The following SMAD1 variants were observed in gnomAD, a reference collection of about 807,000 sequenced individuals.
The protein encoded by SMAD1 is SMAD family member 1.
A neutral mutation model predicts 41.6 loss-of-function variants in SMAD1; 6 were observed. That is an observed-to-expected ratio of 0.14 (90% CI 0.08 to 0.28). The LOEUF is 0.28. Among genes scored for constraint, SMAD1 ranks in the 10% least tolerant of loss-of-function variants. SMAD1 has a pLI of 1.00. For synonymous variants in SMAD1, 206 were observed against 203.2 expected (o/e 1.01, Z -0.12); for missense variants, 379 against 582.6 (o/e 0.65, Z 3.60).
intron 2 of SMAD1, among the ~76,000 whole-genome samples, chr4:145,524,322 AT>A (rs899128010): frequency 2.0e-4 from 30 of 149,718 alleles, no homozygotes; most frequent in African/African-American, 6.6e-4. Context: ...TGTTATTTTA[AT>A]TTTTTTTTTC....
intron 2 of SMAD1, among the ~76,000 whole-genome samples, chr4:145,538,044 G>A (rs1731712670): frequency 6.6e-6 from 1 of 152,164 alleles, no homozygotes; most frequent in Non-Finnish European, 1.5e-5. Flanking sequence ...GTGGGGAGTG[G>A]TTTAGGGGCC....
In SMAD1 at chr4:145,514,433, TGTAGGTGCTGACTGGGTTAC is replaced by T; in HGVS notation, c.-176-4_-161del. Reference sequence around the variant, plus strand: ...GATTCTAACCATTCTTTTTTTGTTTTGTAGGTGCTGACTGGGTTACTTTTTTAAACACTAGGAATGGTAAT... The same window carrying T: ...GATTCTAACCATTCTTTTTTTGTTTTTTTTTTAAACACTAGGAATGGTAAT... On this transcript the variant is annotated splice_acceptor_variant and splice_polypyrimidine_tract_variant and 5_prime_UTR_variant and intron_variant, in exon 2 of 7. Coordinates refer to ENST00000302085, the MANE Select transcript of SMAD1 (RefSeq NM_005900.3). LOFTEE classifies it low-confidence loss of function (5UTR_SPLICE). The surrounding 1 kb of genome is among the most constrained non-coding windows in gnomAD (Gnocchi z 4.7). 1.1e-5 allele frequency: 6 copies of T among 541,476 alleles called. No homozygotes were observed. The highest frequency in any genetic ancestry group is 1.6e-5 in the Non-Finnish European group (5 of 313,216). The allele number at this position is 541,476 out of a possible 1,614,324, so 33.5% of individuals were successfully genotyped here.
intron 2 of SMAD1, among the ~76,000 whole-genome samples, chr4:145,530,686 C>T (rs986576344): frequency 2.0e-5 from 3 of 151,330 alleles, no homozygotes; most frequent in Admixed American, 6.6e-5. Context: ...TAAATACTAC[C>T]GTGTTGCTAC....
At chr4:145,530,269 G>A (rs994111411) in intron 2 of SMAD1, among the ~76,000 whole-genome samples, 4 of 152,162 alleles carry the variant, frequency 2.6e-5, no homozygotes, top group Non-Finnish European at 5.9e-5. Context: ...ACCGGGAAAG[G>A]CACCATGGGA....
intron 2 of SMAD1, among the ~76,000 whole-genome samples, chr4:145,530,804 T>C (rs1199224859): frequency 6.6e-6 from 1 of 152,186 alleles, no homozygotes; most frequent in Non-Finnish European, 1.5e-5. Flanking sequence ...CTTTCCAGTT[T>C]TATAGTACTG....
At chr4:145,502,834 A>G (rs1156730163) in intron 1 of SMAD1, 4 of 152,190 alleles carry the variant, frequency 2.6e-5, no homozygotes, top group African/African-American at 4.8e-5. Context: ...TTCAGTCTAC[A>G]TGGTATTCCT....
At chr4:145,532,960 G>A (rs1731400933) in intron 2 of SMAD1, among the ~76,000 whole-genome samples, 1 of 152,096 alleles carries the variant, frequency 6.6e-6, no homozygotes, top group Admixed American at 6.5e-5. Flanking sequence ...TTTCCTTTTT[G>A]CCTAATAGAA....
chr4:145,517,956 G>C (rs1353822715), intron 2 of SMAD1, among the ~76,000 whole-genome samples: 1 of 127,062 alleles, frequency 7.9e-6, no homozygotes, highest in African/African-American at 2.5e-5. Context: ...GGAGGCTGAG[G>C]CTAAGATCTA....
chr4:145,537,881 C>T (rs1379760496), intron 2 of SMAD1, among the ~76,000 whole-genome samples: 1 of 152,204 alleles, frequency 6.6e-6, no homozygotes, highest in Non-Finnish European at 1.5e-5. Context: ...AAGTGTTAGG[C>T]TGGTGCAAAG....
intron 1 of SMAD1, among the ~76,000 whole-genome samples, chr4:145,507,072 CA>C (rs1729829397): frequency 1.3e-5 from 2 of 151,980 alleles, no homozygotes; most frequent in Admixed American, 6.5e-5. Context: ...CTTTAAACTA[CA>C]TTATATTTTT....
chr4:145,496,047 A>G (rs1729055149), intron 1 of SMAD1, among the ~76,000 whole-genome samples: 1 of 152,092 alleles, frequency 6.6e-6, no homozygotes, highest in Non-Finnish European at 1.5e-5. Context: ...GATAGCTTAT[A>G]ATGTCTTATT....
At chr4:145,505,536 G>A (rs1277837004) in intron 1 of SMAD1, among the ~76,000 whole-genome samples, 2 of 151,590 alleles carry the variant, frequency 1.3e-5, no homozygotes, top group Admixed American at 1.3e-4. Context: ...GGAGAATGGT[G>A]TGAACCCAGG....
At position 145,509,127 on chromosome 4, in the gene SMAD1, A is replaced by G. The variant is rs564125436; in HGVS notation, c.-176-5311A>G. 8.5e-5 allele frequency among the ~76,000 whole-genome samples: 13 copies of G among 152,314 alleles called. No homozygotes were observed. The South Asian group carries it at 2.3e-3, about 27-fold the overall frequency. On this transcript the variant is annotated intron_variant, in intron 1 of 6. Transcript: ENST00000302085. ...TCGGTTATTCTTGTGCCCATGGGCA[A>G]TGGTATAATCGTATTATTTCTTCTG...
chr4:145,519,667 C>G (rs1397107983), intron 2 of SMAD1, among the ~76,000 whole-genome samples: 1 of 134,438 alleles, frequency 7.4e-6, no homozygotes, highest in Non-Finnish European at 1.6e-5. Context: ...AAAAAAAAAA[C>G]CCACTTTTTT....
At chr4:145,510,666 C>T (rs1730026617) in intron 1 of SMAD1, among the ~76,000 whole-genome samples, 3 of 152,090 alleles carry the variant, frequency 2.0e-5, no homozygotes, top group Middle Eastern at 3.4e-3. Flanking sequence ...GTATTCCTTG[C>T]GTATTTGAAA....
intron 6 of SMAD1, among the ~76,000 whole-genome samples, chr4:145,556,853 G>A (rs1009605013): frequency 2.6e-5 from 4 of 152,002 alleles, no homozygotes; most frequent in Admixed American, 2.0e-4. Context: ...ACCACACCTC[G>A]TTTTAGTAGA....
At chr4:145,538,620 A>G (rs1731744895) in intron 2 of SMAD1, among the ~76,000 whole-genome samples, 2 of 152,188 alleles carry the variant, frequency 1.3e-5, no homozygotes, top group South Asian at 4.1e-4. Flanking sequence ...AGCCCTCAAA[A>G]GTCTGCTAAA....
intron 2 of SMAD1, among the ~76,000 whole-genome samples, chr4:145,537,868 A>G (rs1350971257): frequency 6.6e-6 from 1 of 152,216 alleles, no homozygotes; most frequent in African/African-American, 2.4e-5. Flanking sequence ...CAGATGCTCC[A>G]CTAAGTGTTA....
chr4:145,543,613 T>C (rs1023911350), intron 4 of SMAD1, among the ~76,000 whole-genome samples: 7 of 152,204 alleles, frequency 4.6e-5, no homozygotes, highest in African/African-American at 1.7e-4. Context: ...GGGTCTTTGA[T>C]TCCAGCGCTG....
Sources: gnomAD v4.1 joint callset for allele counts (sites outside exome capture counted in the v4.1 genomes callset) on GRCh38, gnomAD v4.1.1 for gene constraint, Gnocchi (gnomAD v3.1) non-coding constraint, MANE v1.5 for transcripts, NCBI Gene and HGNC (gene_info 2026-07-23, HGNC 2026-07-21) for gene names.